The following ENOX1 variants were observed in gnomAD, a reference collection of about 807,000 sequenced individuals.
ENOX1 encodes ecto-NOX disulfide-thiol exchanger 1.
A neutral mutation model predicts 82.5 loss-of-function variants in ENOX1; 42 were observed. The observed-to-expected ratio is 0.51, with a 90% CI of 0.40 to 0.66. The LOEUF (loss-of-function observed/expected upper bound fraction) is 0.66, where lower values mean the gene tolerates loss of function less well. Ranked by LOEUF, ENOX1 falls within the 30% of genes least tolerant of loss-of-function variation. The pLI, the probability that ENOX1 is intolerant of heterozygous loss-of-function variation, is 0.00. For synonymous variants in ENOX1, 271 were observed against 282.2 expected, an observed-to-expected ratio of 0.96 and a Z score of 0.40; for missense variants, 608 against 811.6, an observed-to-expected ratio of 0.75 and a Z score of 3.05.
intron 3 of ENOX1, among the ~76,000 whole-genome samples, chr13:43,474,359 T>C (rs1278455009): frequency 1.3e-5 from 2 of 152,156 alleles, no homozygotes; most frequent in Admixed American, 1.3e-4. Flanking sequence ...TAATTTTGTC[T>C]CTTATACAAG....
At chr13:43,476,778 G>A (rs1015309090) in intron 3 of ENOX1, among the ~76,000 whole-genome samples, 1 of 152,150 alleles carries the variant, frequency 6.6e-6, no homozygotes, top group African/African-American at 2.4e-5. Flanking sequence ...TAGGAAGAAG[G>A]AAGTGAGAGG....
chr13:43,648,410 T>C (rs1424006840), intron 2 of ENOX1, among the ~76,000 whole-genome samples: 1 of 152,132 alleles, frequency 6.6e-6, no homozygotes, highest in Non-Finnish European at 1.5e-5. Context: ...AAGCAGCCAA[T>C]TAATAAATTA....
At chr13:43,444,259 C>T (rs1413115178) in intron 3 of ENOX1, among the ~76,000 whole-genome samples, 6 of 152,148 alleles carry the variant, frequency 3.9e-5, no homozygotes, top group East Asian at 1.9e-4. Context: ...ACAGGGTCTG[C>T]GAGGAATTTG....
intron 3 of ENOX1, among the ~76,000 whole-genome samples, chr13:43,439,489 C>T (rs541029160): frequency 1.2e-4 from 19 of 152,216 alleles, no homozygotes; most frequent in African/African-American, 4.1e-4. Context: ...CGTGAGCCAC[C>T]GTCCCTGGCC....
At chr13:43,682,778 A>C (rs553471040) in intron 1 of ENOX1, among the ~76,000 whole-genome samples, 14 of 152,310 alleles carry the variant, frequency 9.2e-5, no homozygotes, top group Non-Finnish European at 1.8e-4. Flanking sequence ...CAGAAAAAGA[A>C]ATGCCACAAA....
At chr13:43,595,957 A>C (rs2081453167) in intron 2 of ENOX1, among the ~76,000 whole-genome samples, 1 of 152,192 alleles carries the variant, frequency 6.6e-6, no homozygotes. Context: ...AATTGTTTCT[A>C]AGAATTCCTC....
At chr13:43,231,371 A>C (rs1026170979) in intron 15 of ENOX1, among the ~76,000 whole-genome samples, 1 of 152,224 alleles carries the variant, frequency 6.6e-6, no homozygotes. Context: ...GAGAAACTGT[A>C]GGAAACCGAT....
At chr13:43,493,388 GT>G (rs2076687597) in intron 2 of ENOX1, among the ~76,000 whole-genome samples, 1 of 152,190 alleles carries the variant, frequency 6.6e-6, no homozygotes, top group Non-Finnish European at 1.5e-5. Flanking sequence ...AACCAAGAAA[GT>G]AGTAACTCTC....
At chr13:43,279,350 A>C (rs1019527071) in intron 12 of ENOX1, among the ~76,000 whole-genome samples, 1 of 152,230 alleles carries the variant, frequency 6.6e-6, no homozygotes, top group South Asian at 2.1e-4. Context: ...TTGCTGTGCA[A>C]GCTTGAACAA....
chr13:43,276,686 T>C (rs1427672422), intron 12 of ENOX1, among the ~76,000 whole-genome samples: 1 of 152,226 alleles, frequency 6.6e-6, no homozygotes, highest in Non-Finnish European at 1.5e-5. Flanking sequence ...GATTTAAAAA[T>C]TCAAGTGAAC....
rs1483069334 is a variant in ENOX1 at position 43,213,538 on chromosome 13, CTTTTTCTTTT to C, written c.*442_*451del. The C allele has an allele frequency of 2.0e-5, 2 of 97,872 alleles. No homozygotes were observed. The highest frequency in any genetic ancestry group is 4.2e-5 in the Non-Finnish European group (2 of 47,520). The allele number at this position is 97,872 out of a possible 1,614,324, so 6.1% of individuals were successfully genotyped here. A position where few individuals can be genotyped will look rare whatever the true frequency, so the allele number is the denominator to read the frequency against. On this transcript the variant is annotated 3_prime_UTR_variant, in exon 17 of 17. Coordinates refer to ENST00000690772, the MANE Select transcript of ENOX1 (RefSeq NM_001347969.2). ...TTTTCTTTTTTCTTTTTTTCTTTTT[CTTTTTCTTTT>C]TTTTTTTTTTTTTTTTTTTACTAAA... is the stretch of plus-strand genomic sequence containing the variant.
At chr13:43,499,313 T>C (rs1044225192) in intron 2 of ENOX1, among the ~76,000 whole-genome samples, 1 of 152,124 alleles carries the variant, frequency 6.6e-6, no homozygotes, top group African/African-American at 2.4e-5. Context: ...CTATAGTTAA[T>C]TGTATTGTGT....
intron 5 of ENOX1, among the ~76,000 whole-genome samples, chr13:43,365,138 C>T (rs138515589): frequency 1.3e-4 from 20 of 152,312 alleles, no homozygotes; most frequent in South Asian, 1.2e-3. Context: ...GTCTGCTGCC[C>T]GCTAGCCATG....
At chr13:43,489,526 C>T (rs2076547717) in intron 2 of ENOX1, among the ~76,000 whole-genome samples, 1 of 152,196 alleles carries the variant, frequency 6.6e-6, no homozygotes, top group African/African-American at 2.4e-5. Context: ...AGACCCTTCA[C>T]TAGTGCAATG....
intron 3 of ENOX1, among the ~76,000 whole-genome samples, chr13:43,460,367 C>T (rs931676616): frequency 5.7e-4 from 86 of 152,154 alleles, no homozygotes; most frequent in African/African-American, 1.9e-3. Context: ...TCAGAAACCC[C>T]ACTTCCTCTC....
At chr13:43,514,203 A>G (rs1432083780) in intron 2 of ENOX1, among the ~76,000 whole-genome samples, 1 of 152,140 alleles carries the variant, frequency 6.6e-6, no homozygotes, top group Non-Finnish European at 1.5e-5. Flanking sequence ...TACAATTCAA[A>G]CCAGTTTTAC....
At chr13:43,763,502 T>G (rs1230221966) in intron 1 of ENOX1, among the ~76,000 whole-genome samples, 1 of 152,186 alleles carries the variant, frequency 6.6e-6, no homozygotes, top group Non-Finnish European at 1.5e-5. Context: ...GATCTTAATC[T>G]AAACATCCCA....
chr13:43,540,575 T>C (rs2078662379), intron 2 of ENOX1, among the ~76,000 whole-genome samples: 1 of 152,088 alleles, frequency 6.6e-6, no homozygotes, highest in Non-Finnish European at 1.5e-5. Flanking sequence ...AAGGGCTTGG[T>C]GAGTTTAAGG....
At chr13:43,556,912 G>C (rs992440721) in intron 2 of ENOX1, among the ~76,000 whole-genome samples, 2 of 152,210 alleles carry the variant, frequency 1.3e-5, no homozygotes, top group Admixed American at 1.3e-4. Flanking sequence ...GGATTACCAG[G>C]GAAGGGACTA....
Sources: gnomAD v4.1 joint callset for allele counts (sites outside exome capture counted in the v4.1 genomes callset) on GRCh38, gnomAD v4.1.1 for gene constraint, MANE v1.5 for transcripts, NCBI Gene and HGNC (gene_info 2026-07-23, HGNC 2026-07-21) for gene names.